CALN1: variants seen among roughly 807,000 people sequenced by gnomAD.
The protein encoded by CALN1 is calneuron 1.
Under a neutral mutation model 30.6 loss-of-function variants are expected in CALN1, and 17 were observed. The observed-to-expected ratio is 0.56, with a 90% CI of 0.38 to 0.83. The LOEUF (loss-of-function observed/expected upper bound fraction) is 0.83, where lower values mean the gene tolerates loss of function less well. Ranked by LOEUF, CALN1 falls within the 40% of genes least tolerant of loss-of-function variation. CALN1 has a pLI of 0.00. For synonymous variants in CALN1, 156 were observed against 131.4 expected (o/e 1.19, Z -1.28); for missense variants, 291 against 354.9 (o/e 0.82, Z 1.45).
intron 1 of CALN1, among the ~76,000 whole-genome samples, chr7:72,409,702 C>A (rs1441670759): frequency 6.6e-6 from 1 of 152,042 alleles, no homozygotes; most frequent in East Asian, 2.0e-4. Flanking sequence ...TGTTTATGGG[C>A]ATAAATAATT....
chr7:71,857,016 ATGTGTGTGTGTGTGTGTG>A (rs200594767), intron 5 of CALN1, among the ~76,000 whole-genome samples: 3 of 142,220 alleles, frequency 2.1e-5, no homozygotes, highest in South Asian at 2.3e-4. Flanking sequence ...GTGTATATGT[ATGTGTGTGTGTGTGTGTG>A]TGTGTGTGTG....
chr7:72,178,756 A>G (rs1789552748), intron 3 of CALN1, among the ~76,000 whole-genome samples: 1 of 152,060 alleles, frequency 6.6e-6, no homozygotes, highest in South Asian at 2.1e-4. Flanking sequence ...CTTGGGTAAT[A>G]TTTTTACGCA....
intron 2 of CALN1, among the ~76,000 whole-genome samples, chr7:72,344,998 T>C (rs1244629663): frequency 2.0e-5 from 3 of 147,850 alleles, no homozygotes; most frequent in African/African-American, 7.4e-5. Context: ...AATAATGATA[T>C]ATAATACATT....
chr7:72,362,335 G>T (rs772549712), intron 2 of CALN1, among the ~76,000 whole-genome samples: 1 of 152,040 alleles, frequency 6.6e-6, no homozygotes, highest in Admixed American at 6.6e-5. Flanking sequence ...ATGTACAGTC[G>T]CAAGAGTTTT....
chr7:72,399,395 C>A (rs981100315), intron 2 of CALN1, among the ~76,000 whole-genome samples: 1 of 150,984 alleles, frequency 6.6e-6, no homozygotes, highest in Non-Finnish European at 1.5e-5. Context: ...CTCAGCCTCC[C>A]GAGTAGCTGG....
At chr7:72,048,495 T>C (rs1338015484) in intron 4 of CALN1, among the ~76,000 whole-genome samples, 2 of 152,190 alleles carry the variant, frequency 1.3e-5, no homozygotes, top group South Asian at 2.1e-4. Flanking sequence ...AGAGAAGCCA[T>C]TGTGTAATGG....
chr7:72,491,255 A>G, the CALN1 span, among the ~76,000 whole-genome samples: 1 of 151,646 alleles, frequency 6.6e-6, no homozygotes, highest in African/African-American at 2.4e-5. Context: ...AACAAAAACA[A>G]AAAACAAAAT....
Position 72,284,850 on chromosome 7 carries a change from T to C in CALN1, c.120-6040A>G, listed in dbSNP as rs1412476380. On this transcript the variant is annotated intron_variant, in intron 2 of 6. Transcript: ENST00000395275. ...AGATAGATAGATAGATAGAGATATA[T>C]GATAGATGATGGATGGATAGGTAGG... 1.3e-5 allele frequency among the ~76,000 whole-genome samples: 2 copies of C among 152,124 alleles called. 1 individual carries two copies. Among genetic ancestry groups the C allele is most frequent in the Admixed American group, 1.3e-4 (2 of 15,268 alleles).
At chr7:72,456,169 C>A in the CALN1 span, among the ~76,000 whole-genome samples, 1 of 145,782 alleles carries the variant, frequency 6.9e-6, no homozygotes, top group African/African-American at 2.6e-5. Flanking sequence ...GGCAACAGAG[C>A]GACACTCAGT....
At chr7:72,397,519 C>G (rs1301326474) in intron 2 of CALN1, among the ~76,000 whole-genome samples, 1 of 152,084 alleles carries the variant, frequency 6.6e-6, no homozygotes, top group African/African-American at 2.4e-5. Flanking sequence ...TAGGGAATTC[C>G]AGGAGTGAAG....
intron 4 of CALN1, among the ~76,000 whole-genome samples, chr7:72,051,069 A>T (rs1026770015): frequency 6.6e-6 from 1 of 151,594 alleles, no homozygotes; most frequent in Non-Finnish European, 1.5e-5. Context: ...GGAAAAAATA[A>T]AACATTTTTA....
intron 5 of CALN1, among the ~76,000 whole-genome samples, chr7:71,817,322 C>T (rs1310233229): frequency 6.6e-6 from 1 of 152,158 alleles, no homozygotes; most frequent in East Asian, 1.9e-4. Flanking sequence ...ATTATTACAT[C>T]CCAGTTCTCC....
intron 2 of CALN1, among the ~76,000 whole-genome samples, chr7:72,362,257 T>C (rs766669846): frequency 2.0e-5 from 3 of 152,206 alleles, no homozygotes; most frequent in East Asian, 1.9e-4. Flanking sequence ...GTCTACCAAT[T>C]TGATGACTTT....
intron 1 of CALN1, among the ~76,000 whole-genome samples, chr7:72,446,621 A>C (rs929834599): frequency 6.6e-6 from 1 of 152,220 alleles, no homozygotes. Context: ...GCAGCCACAC[A>C]GCCATGTTCT....
At chr7:71,809,253 C>T (rs1787795008) in intron 6 of CALN1, among the ~76,000 whole-genome samples, 2 of 151,878 alleles carry the variant, frequency 1.3e-5, no homozygotes. Context: ...GTCCATGATG[C>T]AGCAGTTCAG....
chr7:72,069,416 T>A (rs1205009232), intron 4 of CALN1, among the ~76,000 whole-genome samples: 1 of 152,162 alleles, frequency 6.6e-6, no homozygotes, highest in Non-Finnish European at 1.5e-5. Flanking sequence ...AGGCCAGAAG[T>A]CTGAAATCAG....
intron 4 of CALN1, among the ~76,000 whole-genome samples, chr7:72,096,277 G>T (rs1329655508): frequency 3.9e-5 from 6 of 152,100 alleles, no homozygotes; most frequent in Non-Finnish European, 7.3e-5. Context: ...CATTCAGACA[G>T]GGGTGACTGA....
rs865962050 is a variant in CALN1 at position 71,787,896 on chromosome 7, G to T, written c.665C>A (p.Ser222Tyr). ...GCAGGTCTGTCTGTTCTGCTTCTGG[G>T]AATGCACTGGTGGTGGGAGAAGCAG... is the stretch of plus-strand genomic sequence containing the variant. ...NCQTEFEGVH[S>Y]QKQNRQTCVR... The change falls in exon 7 of 7, where the codon TCC becomes TAC. Residue 222 changes from serine (S) to tyrosine (Y), a missense_variant. Transcript: ENST00000395275. 1 of 1,613,950 alleles carries T rather than the reference G, an allele frequency of 6.2e-7. No homozygotes were observed.
intron 3 of CALN1, among the ~76,000 whole-genome samples, chr7:72,110,751 T>A (rs532364333): frequency 7.9e-4 from 119 of 151,136 alleles, no homozygotes; most frequent in Middle Eastern, 3.5e-3. Flanking sequence ...GTTTCTAGGG[T>A]AAGGAAAGCC....
Sources: gnomAD v4.1 joint callset for allele counts (sites outside exome capture counted in the v4.1 genomes callset) on GRCh38, gnomAD v4.1.1 for gene constraint, MANE v1.5 for transcripts, NCBI Gene and HGNC (gene_info 2026-07-23, HGNC 2026-07-21) for gene names.